RIT2: variants seen among roughly 807,000 people sequenced by gnomAD.
RIT2 encodes GTP-binding protein Rit2.
In RIT2, 24 loss-of-function variants were observed where a neutral mutation model predicts 23.7. That is an observed-to-expected ratio of 1.01 (90% CI 0.73 to 1.43). The LOEUF is 1.43. Among genes scored for constraint, RIT2 ranks in the 40% most tolerant of loss-of-function variants. The pLI is 0.00. For missense variants in RIT2, 236 were observed against 266.9 expected (o/e 0.88, Z 0.81); for synonymous variants, 107 against 91.1 (o/e 1.17, Z -0.99).
intron 3 of RIT2, among the ~76,000 whole-genome samples, chr18:42,963,919 T>C (rs574169599): frequency 1.3e-5 from 2 of 151,478 alleles, no homozygotes; most frequent in South Asian, 2.1e-4. Flanking sequence ...AGGCTGGGCA[T>C]GATGACTCAC....
chr18:42,828,587 A>C (rs1906370199), intron 4 of RIT2, among the ~76,000 whole-genome samples: 1 of 152,212 alleles, frequency 6.6e-6, no homozygotes. Flanking sequence ...TAAGAGAATC[A>C]GTCAGGTTAG....
chr18:42,821,450 T>A (rs1906146094), intron 4 of RIT2, among the ~76,000 whole-genome samples: 1 of 152,114 alleles, frequency 6.6e-6, no homozygotes, highest in South Asian at 2.1e-4. Context: ...ACTGTTACTT[T>A]AAAGCAGTAG....
intron 1 of RIT2, among the ~76,000 whole-genome samples, chr18:43,095,209 C>T (rs949760026): frequency 6.6e-6 from 1 of 152,098 alleles, no homozygotes; most frequent in Non-Finnish European, 1.5e-5. Flanking sequence ...TTCTCCACAT[C>T]CTCTACAGCA....
At chr18:42,856,716 G>A (rs1489659804) in intron 4 of RIT2, among the ~76,000 whole-genome samples, 1 of 151,896 alleles carries the variant, frequency 6.6e-6, no homozygotes, top group African/African-American at 2.4e-5. Context: ...AATATGAAGG[G>A]ATTAGACTAA....
chr18:42,766,180 A>G (rs1360558785), intron 4 of RIT2, among the ~76,000 whole-genome samples: 1 of 152,206 alleles, frequency 6.6e-6, no homozygotes, highest in Non-Finnish European at 1.5e-5. Flanking sequence ...GGTAACAGGC[A>G]GAGGTTGGAA....
At chr18:42,793,753 G>T (rs1216601599) in intron 4 of RIT2, among the ~76,000 whole-genome samples, 1 of 152,162 alleles carries the variant, frequency 6.6e-6, no homozygotes, top group Non-Finnish European at 1.5e-5. Context: ...TCAAGTGAAA[G>T]CAAGAAGTAT....
chr18:42,890,924 A>G (rs933454348), intron 4 of RIT2, among the ~76,000 whole-genome samples: 1 of 152,202 alleles, frequency 6.6e-6, no homozygotes, highest in Non-Finnish European at 1.5e-5. Context: ...GGAAATAGAT[A>G]CAACAAAGAA....
At chr18:42,891,971 G>A (rs1908190771) in intron 4 of RIT2, among the ~76,000 whole-genome samples, 1 of 152,048 alleles carries the variant, frequency 6.6e-6, no homozygotes, top group Non-Finnish European at 1.5e-5. Context: ...GATAATAGGA[G>A]AGGCTTTGTA....
chr18:42,795,103 C>T (rs144339927), intron 4 of RIT2, among the ~76,000 whole-genome samples: 2,473 of 152,320 alleles, frequency 0.016, 76 homozygotes, highest in African/African-American at 0.057. Context: ...TCACAGCCCT[C>T]GCTCGCTCTC....
chr18:42,778,815 A>C (rs185793482), intron 4 of RIT2, among the ~76,000 whole-genome samples: 81 of 152,184 alleles, frequency 5.3e-4, no homozygotes, highest in African/African-American at 1.9e-3. Context: ...AATGCTCTTG[A>C]GCACTTCCAT....
At chr18:42,990,075 G>T (rs957441342) in intron 2 of RIT2, among the ~76,000 whole-genome samples, 1 of 151,230 alleles carries the variant, frequency 6.6e-6, no homozygotes, top group African/African-American at 2.4e-5. Flanking sequence ...AATAATGGAG[G>T]CTAAATCCTC....
intron 1 of RIT2, among the ~76,000 whole-genome samples, chr18:43,080,288 G>T (rs987610797): frequency 1.3e-5 from 2 of 152,110 alleles, no homozygotes; most frequent in African/African-American, 4.8e-5. Flanking sequence ...AGAAAAACAA[G>T]GTCAATACAG....
intron 4 of RIT2, among the ~76,000 whole-genome samples, chr18:42,852,361 T>C (rs928085111): frequency 2.0e-5 from 3 of 152,178 alleles, no homozygotes; most frequent in Non-Finnish European, 2.9e-5. Context: ...ATTTAGCATA[T>C]AGGGTATCAC....
intron 4 of RIT2, among the ~76,000 whole-genome samples, chr18:42,874,375 A>G (rs1197224192): frequency 6.6e-6 from 1 of 152,108 alleles, no homozygotes; most frequent in Non-Finnish European, 1.5e-5. Context: ...ATATATTTAT[A>G]CTTGCAGATT....
Position 43,058,685 on chromosome 18 carries a change from G to A in RIT2, c.104-24818C>T, listed in dbSNP as rs532055504. Among the ~76,000 whole-genome samples, 284 of 152,132 alleles carry A rather than the reference G, an allele frequency of 1.9e-3. 1 individual carries two copies. The highest frequency in any genetic ancestry group is 6.5e-3 in the African/African-American group (270 of 41,528). On this transcript the variant is annotated intron_variant, in intron 1 of 4. Coordinates refer to ENST00000326695, the MANE Select transcript of RIT2 (RefSeq NM_002930.4). ...GCAGCTTGCTTGAGCCCAGGAGTTC[G>A]AGACCAGCCTGGGCAACATGGCAAA...
chr18:43,011,636 A>G (rs1454482528), intron 2 of RIT2, among the ~76,000 whole-genome samples: 1 of 151,828 alleles, frequency 6.6e-6, no homozygotes. Flanking sequence ...CCTAGGCCTA[A>G]TTGAAGAACT....
intron 4 of RIT2, among the ~76,000 whole-genome samples, chr18:42,816,247 T>C (rs1905995235): frequency 6.6e-6 from 1 of 152,094 alleles, no homozygotes; most frequent in Admixed American, 6.6e-5. Flanking sequence ...AACACAGACT[T>C]GGAAAGAGAT....
intron 4 of RIT2, among the ~76,000 whole-genome samples, chr18:42,872,547 G>A (rs1598693211): frequency 6.6e-6 from 1 of 152,000 alleles, no homozygotes; most frequent in Non-Finnish European, 1.5e-5. Flanking sequence ...ACAGCAATCT[G>A]GTGTCTCAAA....
chr18:42,941,647 T>C (rs1177481939), intron 3 of RIT2, among the ~76,000 whole-genome samples: 1 of 152,166 alleles, frequency 6.6e-6, no homozygotes, highest in Non-Finnish European at 1.5e-5. Flanking sequence ...ATCAATTTTC[T>C]ATGGGGAAAA....
Sources: allele counts gnomAD v4.1 joint callset (sites outside exome capture counted in the v4.1 genomes callset), GRCh38; gene constraint gnomAD v4.1.1; transcripts MANE v1.5; gene names NCBI Gene and HGNC (gene_info 2026-07-23, HGNC 2026-07-21).